Variants in STK10 observed in about 807,000 individuals in gnomAD.
STK10 encodes serine/threonine kinase 10.
A neutral mutation model predicts 113.8 loss-of-function variants in STK10; 78 were observed. The observed-to-expected ratio is 0.69, with a 90% confidence interval of 0.57 to 0.83. The LOEUF (loss-of-function observed/expected upper bound fraction) is 0.83. Ranked by LOEUF, STK10 falls within the 40% of genes least tolerant of loss-of-function variation. STK10 has a pLI of 0.00. For synonymous variants in STK10, 465 were observed against 494.7 expected, an observed-to-expected ratio of 0.94 and a Z score of 0.80; for missense variants, 1,109 against 1,280.1, an observed-to-expected ratio of 0.87 and a Z score of 2.04.
At chr5:172,086,577 A>G (rs1768566064) in intron 10 of STK10, among the ~76,000 whole-genome samples, 1 of 152,182 alleles carries the variant, frequency 6.6e-6, no homozygotes, top group Non-Finnish European at 1.5e-5. Context: ...CTCTGCCCGG[A>G]AGCCTCATCA....
chr5:172,129,219 G>A (rs1159340725), intron 2 of STK10, among the ~76,000 whole-genome samples: 3 of 152,194 alleles, frequency 2.0e-5, no homozygotes, highest in African/African-American at 7.2e-5. Context: ...GGACTTTAAC[G>A]TGGGCCAGGG....
intron 5 of STK10, among the ~76,000 whole-genome samples, chr5:172,107,233 C>T (rs1400449546): frequency 6.6e-6 from 1 of 152,050 alleles, no homozygotes; most frequent in African/African-American, 2.4e-5. Context: ...AAGAAAGGAG[C>T]CCAAACTACA....
rs1342701564 is a variant in STK10, at chr5:172,120,031, A to C, written c.371-2401T>G. ...CTCAATGGACAGATTAGGGAGGTGG[A>C]GCTGGCGGAATGTGGAGGCGGTGGG... On this transcript the variant is annotated intron_variant, in intron 3 of 18. Coordinates refer to ENST00000176763, the MANE Select transcript of STK10 (RefSeq NM_005990.4). This position sits in a 1 kb window ranked among gnomAD's most constrained non-coding sequence, Gnocchi z 4.0. 6.6e-6 allele frequency among the ~76,000 whole-genome samples: 1 copy of C among 152,066 alleles called. No homozygotes were observed. Among genetic ancestry groups the C allele is most frequent in the Non-Finnish European group, 1.5e-5 (1 of 67,996 alleles).
At chr5:172,184,797 C>T (rs571576394) in intron 1 of STK10, among the ~76,000 whole-genome samples, 102 of 152,090 alleles carry the variant, frequency 6.7e-4, no homozygotes, top group Non-Finnish European at 1.2e-3. Flanking sequence ...GATTATAGGG[C>T]ACGCGCCACC....
chr5:172,161,461 A>T (rs374498955), intron 1 of STK10, among the ~76,000 whole-genome samples: 14 of 152,238 alleles, frequency 9.2e-5, no homozygotes, highest in East Asian at 7.7e-4. Context: ...TCAAAAAAAA[A>T]AAATAAAAAA....
intron 1 of STK10, among the ~76,000 whole-genome samples, chr5:172,186,298 G>A (rs1025373817): frequency 1.3e-5 from 2 of 151,090 alleles, no homozygotes; most frequent in African/African-American, 4.9e-5. Context: ...AATAAAAAAA[G>A]ACACTGAGTG....
rs1770354377 is a variant in STK10 at position 172,156,705 on chromosome 5, C to T, written c.240G>A (p.Val80=). 2 of 1,614,064 alleles carry T rather than the reference C, an allele frequency of 1.2e-6. No homozygotes were observed. Among genetic ancestry groups the T allele is most frequent in the South Asian group, 2.2e-5 (2 of 91,086 alleles). ...CGCAGGTGGCCAGGATCTCAATCTC[C>T]ACGATGTAGTCCTCCAGCTCCTCCT... ...KSEEELEDYI[V]EIEILATCDH... The change falls in exon 2 of 19, where the codon GTG becomes GTA. Residue 80 remains valine (V), a synonymous_variant. Transcript: ENST00000176763.
intron 3 of STK10, among the ~76,000 whole-genome samples, chr5:172,126,591 T>C (rs1261931957): frequency 6.6e-6 from 1 of 152,026 alleles, no homozygotes; most frequent in East Asian, 1.9e-4. Flanking sequence ...ATACTCTTCC[T>C]GATTTTATAC....
intron 12 of STK10, among the ~76,000 whole-genome samples, chr5:172,067,111 T>A (rs1172502068): frequency 6.6e-6 from 1 of 152,112 alleles, no homozygotes; most frequent in East Asian, 1.9e-4. Context: ...CCCAGCACTT[T>A]GGGAGGCTGG....
At chr5:172,160,150 G>GAA (rs67907580) in intron 1 of STK10, among the ~76,000 whole-genome samples, 1 of 145,072 alleles carries the variant, frequency 6.9e-6, no homozygotes, top group African/African-American at 2.5e-5. Flanking sequence ...AAAAAAGAAA[G>GAA]AAAAAAAAAC....
In STK10 at chr5:172,052,187, G is replaced by A. The variant is rs566283751; in HGVS notation, c.2766+742C>T. Among the ~76,000 whole-genome samples, 24 of 152,294 alleles carry A rather than the reference G, an allele frequency of 1.6e-4. 1 individual carries two copies. The highest frequency in any genetic ancestry group is 3.8e-4 in the African/African-American group (16 of 41,566). On this transcript the variant is annotated intron_variant, in intron 18 of 18. Transcript: ENST00000176763. Reference sequence around the variant, plus strand: ...GGGATATCAGAGACATTCAAAGCACGAGGAGGTCTGAATGCATGCTGGCTA... The same window carrying A: ...GGGATATCAGAGACATTCAAAGCACAAGGAGGTCTGAATGCATGCTGGCTA...
chr5:172,108,750 A>G (rs1426712101), intron 4 of STK10, among the ~76,000 whole-genome samples: 2 of 151,398 alleles, frequency 1.3e-5, no homozygotes, highest in Non-Finnish European at 2.9e-5. Flanking sequence ...GTGCCACTGC[A>G]CTCCAACCTG....
chr5:172,151,098 A>G (rs1336892143), intron 2 of STK10, among the ~76,000 whole-genome samples: 1 of 152,254 alleles, frequency 6.6e-6, no homozygotes. Flanking sequence ...GATGAAGGTG[A>G]CAGCTGATAC....
At chr5:172,076,894 C>T (rs1223074258) in intron 12 of STK10, among the ~76,000 whole-genome samples, 1 of 145,968 alleles carries the variant, frequency 6.9e-6, no homozygotes, top group African/African-American at 2.6e-5. Flanking sequence ...CCAGGACAGA[C>T]AATTAGAAGC....
chr5:172,067,004 C>G (rs1453297955), intron 12 of STK10, among the ~76,000 whole-genome samples: 1 of 152,166 alleles, frequency 6.6e-6, no homozygotes, highest in East Asian at 1.9e-4. Context: ...CAAAAAACAT[C>G]TACATTCTTC....
intron 2 of STK10, among the ~76,000 whole-genome samples, chr5:172,150,980 G>A (rs1770216200): frequency 6.6e-6 from 1 of 152,224 alleles, no homozygotes; most frequent in African/African-American, 2.4e-5. Flanking sequence ...ACCAAGGGCA[G>A]GCACGTCCTG....
chr5:172,184,716 A>G (rs1770920910), intron 1 of STK10, among the ~76,000 whole-genome samples: 1 of 152,082 alleles, frequency 6.6e-6, no homozygotes, highest in Admixed American at 6.6e-5. Context: ...CAGCGGCATG[A>G]TCTCAGCCCA....
At chr5:172,054,006 G>A (rs1271417417) in intron 17 of STK10, among the ~76,000 whole-genome samples, 1 of 152,228 alleles carries the variant, frequency 6.6e-6, no homozygotes, top group Non-Finnish European at 1.5e-5. Flanking sequence ...CACCTGGAAT[G>A]TTTCCTCCAT....
rs200023335 is a variant in STK10 at position 172,188,047 on chromosome 5, G to C, written c.-5C>G. On this transcript the variant is annotated 5_prime_UTR_variant, in exon 1 of 19. Transcript: ENST00000176763. The surrounding 1 kb of genome is among the most constrained non-coding windows in gnomAD (Gnocchi z 5.6). ...GCGGAAATTGGCAAAAGCCATGGCC[G>C]GGGGCGCGGTGGCGCCGGCTCGGGC... The C allele has an allele frequency of 9.4e-5, 151 of 1,610,292 alleles. No homozygotes were observed. Among genetic ancestry groups the C allele is most frequent in the Non-Finnish European group, 1.1e-4 (131 of 1,178,468 alleles).
Sources: allele counts gnomAD v4.1 joint callset (sites outside exome capture counted in the v4.1 genomes callset), GRCh38; gene constraint gnomAD v4.1.1; non-coding constraint Gnocchi (gnomAD v3.1); transcripts MANE v1.5; gene names NCBI Gene and HGNC (gene_info 2026-07-23, HGNC 2026-07-21).